The following TRMT44 variants were observed in gnomAD, a reference collection of about 807,000 sequenced individuals.
TRMT44 encodes the protein probable tRNA (uracil-O(2)-)-methyltransferase.
Under a neutral mutation model 77.3 loss-of-function variants are expected in TRMT44, and 78 were observed. That is an observed-to-expected ratio of 1.01 (90% CI 0.84 to 1.22). The LOEUF is 1.22. Among genes scored for constraint, TRMT44 ranks in the 50% most tolerant of loss-of-function variants. The pLI, the probability that TRMT44 is intolerant of heterozygous loss-of-function variation, is 0.00. For missense variants in TRMT44, 1,090 were observed against 964.4 expected, an observed-to-expected ratio of 1.13 and a Z score of -1.73; for synonymous variants, 391 against 383.3, an observed-to-expected ratio of 1.02 and a Z score of -0.23.
At chr4:8,454,455 G>A in intron 5 of TRMT44, 1 of 497,904 alleles carries the variant, frequency 2.0e-6, no homozygotes. Flanking sequence ...CAGGCCATCA[G>A]TACAGTACTG....
chr4:8,516,933 A>G, the TRMT44 span, among the ~76,000 whole-genome samples: 1 of 152,242 alleles, frequency 6.6e-6, no homozygotes, highest in Non-Finnish European at 1.5e-5. Context: ...TGTAACCTGA[A>G]CAAGCTTCTT....
chr4:8,462,222 C>T (rs998267793), intron 6 of TRMT44, among the ~76,000 whole-genome samples: 1 of 150,830 alleles, frequency 6.6e-6, no homozygotes, highest in African/African-American at 2.4e-5. Flanking sequence ...ACCAGCCTGA[C>T]CAACATGGAG....
chr4:8,464,147 C>T (rs1726364450), intron 7 of TRMT44, 56 bp downstream of exon 7: 2 of 1,451,138 alleles, frequency 1.4e-6, no homozygotes, highest in Non-Finnish European at 1.9e-6. Flanking sequence ...ATCTTCTAAA[C>T]AGTGGTGTCC....
At chr4:8,497,781 T>C (rs1457175669), downstream of TRMT44, among the ~76,000 whole-genome samples, 1 of 152,244 alleles carries the variant, frequency 6.6e-6, no homozygotes, top group Non-Finnish European at 1.5e-5. Context: ...CTTTAGTCTC[T>C]CTAGTTCTCT....
At chr4:8,507,043 C>T in the TRMT44 span, 1 of 152,446 alleles carries the variant, frequency 6.6e-6, no homozygotes. Context: ...CCTGAAGGGA[C>T]AAGGAGGCCT....
chr4:8,443,468 G>A (rs1230240918), intron 1 of TRMT44, among the ~76,000 whole-genome samples: 1 of 152,206 alleles, frequency 6.6e-6, no homozygotes, highest in East Asian at 1.9e-4. Context: ...TTGAATTTTG[G>A]TCTTGCCAAT....
chr4:8,456,902 A>T lies in TRMT44; in HGVS notation c.1203+2089A>T, dbSNP rs562827876. Among the ~76,000 whole-genome samples, 3 of 152,204 alleles carry T rather than the reference A, an allele frequency of 2.0e-5. No individual in the cohort carries two copies. In the South Asian group the frequency reaches 6.2e-4, roughly 32 times the overall value. On this transcript the variant is annotated intron_variant, in intron 6 of 10. Transcript: ENST00000389737. ...CAGATGCCATTAAGAAAATCACCAG[A>T]GAGGCCAGGTGTGGTGGCTCATGCC...
Position 8,448,670 on chromosome 4 carries a change from G to T in TRMT44, c.735-999G>T, listed in dbSNP as rs563896738. On this transcript the variant is annotated intron_variant, in intron 2 of 10. Transcript: ENST00000389737. ...CCTCACAGTCCCGAGCAGGGAGCTG[G>T]GCCAGGGGAAAGGTTCAGACCCACT... 9.2e-5 allele frequency among the ~76,000 whole-genome samples: 14 copies of T among 152,372 alleles called. No homozygotes were observed. The South Asian group carries it at 1.9e-3, about 20-fold the overall frequency.
At chr4:8,494,892 G>A (rs114385089), downstream of TRMT44, among the ~76,000 whole-genome samples, 141 of 152,138 alleles carry the variant, frequency 9.3e-4, 1 homozygote, top group African/African-American at 3.2e-3. Context: ...ACTCTTCCCC[G>A]TGGCTTGGTG....
chr4:8,447,371 G>A (rs755844052), intron 2 of TRMT44, among the ~76,000 whole-genome samples: 80 of 152,184 alleles, frequency 5.3e-4, no homozygotes, highest in Non-Finnish European at 8.2e-4. Context: ...TCAGAGGAGG[G>A]GTGAATTCAT....
chr4:8,516,895 C>T, the TRMT44 span, among the ~76,000 whole-genome samples: 8 of 152,346 alleles, frequency 5.3e-5, no homozygotes, highest in Non-Finnish European at 1.0e-4. Context: ...CAATGATGTA[C>T]GGTTGTAACA....
At chr4:8,467,066 A>G (rs983758322) in intron 8 of TRMT44, among the ~76,000 whole-genome samples, 3 of 152,046 alleles carry the variant, frequency 2.0e-5, no homozygotes, top group African/African-American at 7.2e-5. Context: ...TCCGGAGGGG[A>G]CTGTCTGAAG....
Position 8,468,119 on chromosome 4 carries a change from T to C in TRMT44, c.1700T>C (p.Val567Ala). The change falls in exon 9 of 11, where the codon GTA (valine) becomes GCA (alanine). Residue 567 changes from valine (V) to alanine (A), a missense_variant. Val to Ala is a moderately conservative substitution (Grantham distance 64). Transcript: ENST00000389737. The part of the protein sequence containing the change: ...QQALDARVGC[V>A]TRAWAAEHGA... ...GCTCTGGACGCCAGGGTCGGGTGTG[T>C]AACCAGGGCCTGGGCCGCTGAGCAT... The C allele has an allele frequency of 6.2e-7, 1 of 1,613,886 alleles. No homozygotes were observed. Among genetic ancestry groups the C allele is most frequent in the South Asian group, 1.1e-5 (1 of 91,066 alleles).
At chr4:8,472,988 G>A (rs1002950755) in intron 10 of TRMT44, among the ~76,000 whole-genome samples, 2 of 152,194 alleles carry the variant, frequency 1.3e-5, no homozygotes, top group South Asian at 2.1e-4. Flanking sequence ...GTCACCCTGG[G>A]GGGGCAAACT....
At chr4:8,511,758 G>T in the TRMT44 span, 2 of 151,936 alleles carry the variant, frequency 1.3e-5, no homozygotes, top group Non-Finnish European at 2.9e-5. Flanking sequence ...GAGTGGATTG[G>T]CCAGGCAGTA....
Sources: gnomAD v4.1 joint callset for allele counts (sites outside exome capture counted in the v4.1 genomes callset) on GRCh38, gnomAD v4.1.1 for gene constraint, MANE v1.5 for transcripts, NCBI Gene and HGNC (gene_info 2026-07-23, HGNC 2026-07-21) for gene names.